SMAD6: variants seen among roughly 807,000 people sequenced by gnomAD.
The protein encoded by SMAD6 is SMAD family member 6.
A neutral mutation model predicts 39.4 loss-of-function variants in SMAD6; 103 were observed. That is an observed-to-expected ratio of 2.62 (90% CI 2.23 to 3.08). SMAD6 has a LOEUF of 3.08. Ranked by LOEUF, SMAD6 falls within the 30% of genes most tolerant of loss-of-function variation. SMAD6 has a pLI of 0.00. For missense variants in SMAD6, 1,104 were observed against 742.9 expected, an observed-to-expected ratio of 1.49 and a Z score of -5.65; for synonymous variants, 445 against 353.3, an observed-to-expected ratio of 1.26 and a Z score of -2.91.
intron 3 of SMAD6, among the ~76,000 whole-genome samples, chr15:66,754,207 T>C (rs1894057924): frequency 6.6e-6 from 1 of 152,218 alleles, no homozygotes; most frequent in Non-Finnish European, 1.5e-5. Context: ...TGGGCCAACC[T>C]CTTGCTTGTG....
intron 1 of SMAD6, chr15:66,704,450 C>G (rs1011183340): frequency 5.5e-6 from 1 of 182,774 alleles, no homozygotes; most frequent in Non-Finnish European, 1.1e-5. Flanking sequence ...CTACCCCAGT[C>G]TGTGCCCAGG....
intron 3 of SMAD6, among the ~76,000 whole-genome samples, chr15:66,742,678 G>A (rs1202014903): frequency 2.0e-5 from 3 of 152,100 alleles, no homozygotes; most frequent in Non-Finnish European, 2.9e-5. Context: ...GATTGGCTAC[G>A]TACTCCCTCA....
In SMAD6 at chr15:66,703,573, G is replaced by T; in HGVS notation, c.315G>T (p.Leu105=). 2 of 1,225,910 alleles carry T rather than the reference G, an allele frequency of 1.6e-6. No individual in the cohort carries two copies. Among genetic ancestry groups the T allele is most frequent in the Non-Finnish European group, 2.0e-6 (2 of 981,264 alleles). 75.9% of individuals were successfully genotyped at this position (1,225,910 alleles called of 1,614,324 possible). The part of the protein sequence containing the change: ...EPGAGAGSSL[L]DVAEPGGPGW... ...GGGCCGGCGCTGGGAGCTCCCTGCTGGACGTGGCGGAGCCGGGAGGCCCGG... is the reference window on the plus strand; with the variant it reads ...GGGCCGGCGCTGGGAGCTCCCTGCTTGACGTGGCGGAGCCGGGAGGCCCGG... Residue 105 remains leucine (L), a synonymous_variant, in exon 1 of 4, where the codon CTG becomes CTT. Coordinates refer to ENST00000288840, the MANE Select transcript of SMAD6 (RefSeq NM_005585.5).
chr15:66,773,408 G>T (rs1894412311), intron 3 of SMAD6, among the ~76,000 whole-genome samples: 1 of 152,078 alleles, frequency 6.6e-6, no homozygotes, highest in African/African-American at 2.4e-5. Flanking sequence ...ACAAAGAAAA[G>T]AAAAAGAGCC....
chr15:66,765,340 C>T (rs1567111540), intron 3 of SMAD6, among the ~76,000 whole-genome samples: 1 of 152,158 alleles, frequency 6.6e-6, no homozygotes, highest in Non-Finnish European at 1.5e-5. Context: ...TCTCCTGCCT[C>T]AGCCTCCCGA....
intron 3 of SMAD6, chr15:66,740,992 C>T (rs577779157): frequency 3.3e-5 from 5 of 152,214 alleles, no homozygotes; most frequent in South Asian, 2.1e-4. Context: ...GAGCTCATTT[C>T]GATAGCAATG....
chr15:66,716,495 T>C lies in SMAD6; in HGVS notation c.949T>C (p.Ser317Pro). Residue 317 changes from serine (S) to proline (P), a missense_variant, in exon 3 of 4, where the codon TCA (serine) becomes CCA (proline). Coordinates refer to ENST00000288840, the MANE Select transcript of SMAD6 (RefSeq NM_005585.5). ...NSLITAPGEF[S>P]DASMSPDATK... ...CCTCATCACTGCTCCGGGTGAATTC[T>C]CAGGTCAGCATTTTTTCTTGTGCAT... is the stretch of plus-strand genomic sequence containing the variant. The C allele has an allele frequency of 1.2e-6, 2 of 1,610,716 alleles. No individual in the cohort carries two copies. The highest frequency in any genetic ancestry group is 1.7e-6 in the Non-Finnish European group (2 of 1,176,858).
rs1318237027 is a variant in SMAD6 at position 66,703,493 on chromosome 15, G to A, written c.235G>A (p.Gly79Ser). 2.4e-6 allele frequency: 3 copies of A among 1,228,686 alleles called. No homozygotes were observed. Among genetic ancestry groups the A allele is most frequent in the South Asian group, 4.1e-5 (1 of 24,404 alleles). 76.1% of individuals were successfully genotyped at this position (1,228,686 alleles called of 1,614,324 possible). Residue 79 changes from glycine (G) to serine (S), a missense_variant, in exon 1 of 4, where the codon GGC (glycine) becomes AGC (serine). Transcript: ENST00000288840. ...RDAVGQRGAQ[G>S]AGRRRRAGGP... ...CGCAGTGGGACAGCGAGGCGCCCAGGGCGCGGGGAGGCGCCGGCGCGCAGG... is the reference window on the plus strand; with the variant it reads ...CGCAGTGGGACAGCGAGGCGCCCAGAGCGCGGGGAGGCGCCGGCGCGCAGG...
chr15:66,768,508 G>A (rs1894327947), intron 3 of SMAD6, among the ~76,000 whole-genome samples: 1 of 152,228 alleles, frequency 6.6e-6, no homozygotes, highest in Admixed American at 6.5e-5. Context: ...CCACCCCCAT[G>A]GCCAGGTAAG....
intron 3 of SMAD6, 106 bp from the exon 4 acceptor site, chr15:66,780,891 C>A: frequency 8.5e-7 from 1 of 1,178,758 alleles, no homozygotes; most frequent in Non-Finnish European, 1.2e-6. Context: ...ATGCTGGAAA[C>A]CTTACCCAGC....
intron 3 of SMAD6, among the ~76,000 whole-genome samples, chr15:66,759,166 C>G (rs553451556): frequency 6.6e-6 from 1 of 152,232 alleles, no homozygotes; most frequent in South Asian, 2.1e-4. Context: ...ATATCAAAGC[C>G]AAAATGATCT....
intron 3 of SMAD6, among the ~76,000 whole-genome samples, chr15:66,723,079 C>T (rs1213603863): frequency 1.3e-5 from 2 of 152,118 alleles, no homozygotes; most frequent in Non-Finnish European, 2.9e-5. Flanking sequence ...GGGGAGTAGT[C>T]AAAGAGCTAG....
intron 1 of SMAD6, among the ~76,000 whole-genome samples, chr15:66,709,049 T>G (rs1382514775): frequency 2.0e-5 from 3 of 152,214 alleles, no homozygotes; most frequent in Non-Finnish European, 4.4e-5. Flanking sequence ...AGTGGGACCT[T>G]AGTTTCATAT....
rs1042398681 is a variant in SMAD6, at chr15:66,703,988, C to G, written c.730C>G (p.Leu244Val). The G allele has an allele frequency of 6.7e-7, 1 of 1,483,028 alleles. No individual in the cohort carries two copies. The highest frequency in any genetic ancestry group is 8.9e-7 in the Non-Finnish European group (1 of 1,123,976). The allele number at this position is 1,483,028 out of a possible 1,614,324, so 91.9% of individuals were successfully genotyped here. The change falls in exon 1 of 4, where the codon CTG becomes GTG. Residue 244 changes from leucine to valine, a missense_variant. Transcript: ENST00000288840. ...GCAGCACGCCGTGGAGCTGAAGCCC[C>G]TGTGCGGCTGCCACAGCTTCGCCGC... ...DLQHAVELKPLCGCHSFAAAA... is the reference protein window; with the variant it reads ...DLQHAVELKPVCGCHSFAAAA...
intron 3 of SMAD6, among the ~76,000 whole-genome samples, chr15:66,763,592 C>T (rs1387343944): frequency 6.6e-6 from 1 of 152,224 alleles, no homozygotes; most frequent in Non-Finnish European, 1.5e-5. Context: ...TTCACAGCCT[C>T]GCCCAGGGCC....
intron 3 of SMAD6, among the ~76,000 whole-genome samples, chr15:66,734,327 A>G (rs1893678173): frequency 6.6e-6 from 1 of 152,182 alleles, no homozygotes; most frequent in Non-Finnish European, 1.5e-5. Flanking sequence ...GGCAAGGGGA[A>G]AACACTGGAA....
intron 2 of SMAD6, 116 bp from the exon 3 acceptor site, chr15:66,716,305 C>T (rs1723421422): frequency 2.6e-6 from 2 of 760,396 alleles, no homozygotes; most frequent in Admixed American, 1.9e-5. Flanking sequence ...GACATGCTGC[C>T]CTTTGCAAGC....
chr15:66,744,799 C>G (rs1476005750), intron 3 of SMAD6, among the ~76,000 whole-genome samples: 1 of 152,234 alleles, frequency 6.6e-6, no homozygotes, highest in African/African-American at 2.4e-5. Context: ...TCGCCAGTCC[C>G]TCTAGTGGGT....
intron 3 of SMAD6, among the ~76,000 whole-genome samples, chr15:66,773,798 C>T (rs1177044101): frequency 6.6e-6 from 1 of 152,092 alleles, no homozygotes; most frequent in Non-Finnish European, 1.5e-5. Flanking sequence ...GCTGGGTGAC[C>T]CTGGGCAAGT....
Sources: allele counts gnomAD v4.1 joint callset (sites outside exome capture counted in the v4.1 genomes callset), GRCh38; gene constraint gnomAD v4.1.1; transcripts MANE v1.5; gene names NCBI Gene and HGNC (gene_info 2026-07-23, HGNC 2026-07-21).